Variants in CDH13 observed in about 807,000 individuals in gnomAD.
The protein encoded by CDH13 is cadherin 13.
A neutral mutation model predicts 63.8 loss-of-function variants in CDH13; 24 were observed. The ratio of observed to expected loss-of-function variants is 0.38; its 90% CI spans 0.27 to 0.53. The LOEUF (loss-of-function observed/expected upper bound fraction) is 0.53. CDH13 is among the 20% of genes least tolerant of loss of function. The pLI is 0.85. For missense variants in CDH13, 1,049 were observed against 903.1 expected, an observed-to-expected ratio of 1.16 and a Z score of -2.07; for synonymous variants, 503 against 355.3, an observed-to-expected ratio of 1.42 and a Z score of -4.67.
intron 2 of CDH13, among the ~76,000 whole-genome samples, chr16:82,870,309 G>A (rs2040298799): frequency 6.6e-6 from 1 of 152,092 alleles, no homozygotes; most frequent in Non-Finnish European, 1.5e-5. Context: ...CAAAAGACGG[G>A]CAATCATGAG....
chr16:83,671,038 T>C, intron 9 of CDH13, 66 bp downstream of exon 9: 1 of 1,369,956 alleles, frequency 7.3e-7, no homozygotes. Flanking sequence ...AGGCAGCTCA[T>C]AGAATCATTG....
intron 1 of CDH13, among the ~76,000 whole-genome samples, chr16:82,659,696 G>A (rs564527437): frequency 1.3e-5 from 2 of 152,232 alleles, no homozygotes; most frequent in Admixed American, 6.5e-5. Flanking sequence ...ACATGGACTA[G>A]GAGACTCATG....
chr16:83,412,344 C>T (rs2092140370), intron 6 of CDH13, among the ~76,000 whole-genome samples: 1 of 152,164 alleles, frequency 6.6e-6, no homozygotes, highest in Non-Finnish European at 1.5e-5. Flanking sequence ...CGTCTGCAGG[C>T]TCAGCTACTT....
intron 2 of CDH13, among the ~76,000 whole-genome samples, chr16:83,009,857 G>A (rs1434326188): frequency 2.0e-5 from 3 of 152,176 alleles, no homozygotes; most frequent in Admixed American, 2.0e-4. Context: ...GCTCAGGCCG[G>A]GTGCAGTGGC....
At chr16:83,394,467 T>C (rs935912416) in intron 6 of CDH13, among the ~76,000 whole-genome samples, 5 of 151,852 alleles carry the variant, frequency 3.3e-5, no homozygotes, top group African/African-American at 1.2e-4. Context: ...ACACGTGTGG[T>C]GTACTGGAGG....
intron 4 of CDH13, among the ~76,000 whole-genome samples, chr16:83,156,856 A>G (rs983258630): frequency 6.6e-6 from 1 of 152,208 alleles, no homozygotes; most frequent in Non-Finnish European, 1.5e-5. Flanking sequence ...AGATAGGCTC[A>G]TCTCTCTGAT....
At chr16:83,362,094 A>T (rs1378607615) in intron 6 of CDH13, among the ~76,000 whole-genome samples, 7 of 152,168 alleles carry the variant, frequency 4.6e-5, no homozygotes, top group South Asian at 2.1e-4. Flanking sequence ...ATAAAAAATT[A>T]GTCATAAGTC....
chr16:82,960,889 C>G (rs1906875035), intron 2 of CDH13, among the ~76,000 whole-genome samples: 1 of 152,070 alleles, frequency 6.6e-6, no homozygotes, highest in Non-Finnish European at 1.5e-5. Context: ...CCATACAAAT[C>G]TTTTTTAGTA....
intron 1 of CDH13, among the ~76,000 whole-genome samples, chr16:82,790,510 A>G (rs916848872): frequency 6.6e-6 from 1 of 152,226 alleles, no homozygotes; most frequent in African/African-American, 2.4e-5. Context: ...GCTTCAAGGC[A>G]TATTAATAGA....
intron 2 of CDH13, among the ~76,000 whole-genome samples, chr16:82,904,926 G>A (rs2041593298): frequency 6.6e-6 from 1 of 152,074 alleles, no homozygotes; most frequent in South Asian, 2.1e-4. Context: ...CCCATGGAGT[G>A]CAGTTTCTCC....
chr16:82,667,049 C>G (rs568679221), intron 1 of CDH13, among the ~76,000 whole-genome samples: 1 of 152,190 alleles, frequency 6.6e-6, no homozygotes, highest in South Asian at 2.1e-4. Context: ...TCTCTCCAAA[C>G]TGACAAAGGA....
Position 83,301,024 on chromosome 16 carries a change from G to GTTT in CDH13, c.637-43838_637-43837insTTT, listed in dbSNP as rs1567574870. 1.6e-3 allele frequency among the ~76,000 whole-genome samples: 86 copies of GTTT among 53,950 alleles called. 1 individual carries two copies. The highest frequency in any genetic ancestry group is 2.0e-3 in the Non-Finnish European group (56 of 28,486). The allele number at this position is 53,950 out of a possible 152,430, so 35.4% of individuals were successfully genotyped here. ...TGAACTGATACATATAACTTTCTGG[G>GTTT]GTTTTTTTTTTTTTTTTTTTTTTTT... On this transcript the variant is annotated intron_variant, in intron 5 of 13. Transcript: ENST00000567109.
At chr16:83,555,536 A>C (rs1484079336) in intron 7 of CDH13, among the ~76,000 whole-genome samples, 1 of 152,234 alleles carries the variant, frequency 6.6e-6, no homozygotes, top group Non-Finnish European at 1.5e-5. Context: ...TTATGTGAGC[A>C]CTTAGTTGAC....
At chr16:82,911,178 G>A (rs906133290) in intron 2 of CDH13, among the ~76,000 whole-genome samples, 4 of 152,276 alleles carry the variant, frequency 2.6e-5, no homozygotes, top group South Asian at 4.1e-4. Flanking sequence ...TTCCCCGAGC[G>A]CTGAAATTCT....
intron 2 of CDH13, among the ~76,000 whole-genome samples, chr16:83,015,682 T>C (rs1171386233): frequency 4.6e-5 from 3 of 65,830 alleles, no homozygotes; most frequent in African/African-American, 2.3e-4. Flanking sequence ...TGTATGTATA[T>C]ATATATATAT....
intron 10 of CDH13, among the ~76,000 whole-genome samples, chr16:83,680,383 G>T (rs988840322): frequency 1.1e-4 from 17 of 152,166 alleles, no homozygotes; most frequent in Admixed American, 8.5e-4. Flanking sequence ...AAGGAGGGAT[G>T]AACATCCTGT....
intron 2 of CDH13, among the ~76,000 whole-genome samples, chr16:83,023,513 A>G (rs147659699): frequency 2.1e-3 from 320 of 152,276 alleles, no homozygotes; most frequent in African/African-American, 7.0e-3. Context: ...TTTCAGATAG[A>G]GGTTTTGAGT....
intron 8 of CDH13, among the ~76,000 whole-genome samples, chr16:83,643,833 T>C (rs1911538392): frequency 6.6e-6 from 1 of 152,212 alleles, no homozygotes; most frequent in Non-Finnish European, 1.5e-5. Flanking sequence ...AACAGCATCC[T>C]GGAGAGCCCC....
chr16:83,492,833 C>A (rs973653402), intron 7 of CDH13, among the ~76,000 whole-genome samples: 4 of 152,160 alleles, frequency 2.6e-5, no homozygotes, highest in African/African-American at 4.8e-5. Context: ...TAGAAGAAGA[C>A]CTTGATGAGT....
Sources: gnomAD v4.1 joint callset for allele counts (sites outside exome capture counted in the v4.1 genomes callset) on GRCh38, gnomAD v4.1.1 for gene constraint, MANE v1.5 for transcripts, NCBI Gene and HGNC (gene_info 2026-07-23, HGNC 2026-07-21) for gene names.